SCN11A: variants seen among roughly 807,000 people sequenced by gnomAD.
SCN11A encodes the protein sodium channel protein type 11 subunit alpha.
Under a neutral mutation model 162.2 loss-of-function variants are expected in SCN11A, and 122 were observed. The observed-to-expected ratio is 0.75, with a 90% CI of 0.65 to 0.87. The LOEUF (loss-of-function observed/expected upper bound fraction) is 0.87. SCN11A is among the 40% of genes least tolerant of loss of function. The pLI is 0.00. For missense variants in SCN11A, 2,015 were observed against 2,181.6 expected, an observed-to-expected ratio of 0.92 and a Z score of 1.52; for synonymous variants, 758 against 751.5, an observed-to-expected ratio of 1.01 and a Z score of -0.14.
intron 11 of SCN11A, among the ~76,000 whole-genome samples, chr3:38,917,579 C>T (rs1186296286): frequency 6.6e-6 from 1 of 152,144 alleles, no homozygotes; most frequent in African/African-American, 2.4e-5. Flanking sequence ...AAACCAAATC[C>T]TACATGTTCT....
intron 1 of SCN11A, among the ~76,000 whole-genome samples, chr3:39,033,293 T>C (rs2031813024): frequency 7.0e-6 from 1 of 141,892 alleles, no homozygotes; most frequent in Non-Finnish European, 1.5e-5. Flanking sequence ...AAAACTCTTA[T>C]TTACTTTTTA....
intron 7 of SCN11A, among the ~76,000 whole-genome samples, chr3:38,929,435 T>G (rs955747383): frequency 6.6e-6 from 1 of 152,206 alleles, no homozygotes; most frequent in African/African-American, 2.4e-5. Context: ...GGATATAGAC[T>G]TTCAGTTTTG....
At chr3:39,046,982 G>A (rs6795176) in intron 1 of SCN11A, among the ~76,000 whole-genome samples, 99,398 of 145,656 alleles carry the variant, frequency 0.68, 35,511 homozygotes, top group African/African-American at 0.91. Flanking sequence ...CAGCCTCCCA[G>A]AGTGCTGGGA....
chr3:38,903,912 G>A lies in SCN11A; in HGVS notation c.1795C>T (p.His599Tyr). 6.2e-7 allele frequency: 1 copy of A among 1,613,626 alleles called. No homozygotes were observed. Among genetic ancestry groups the A allele is most frequent in the East Asian group, 2.2e-5 (1 of 44,868 alleles). Residue 599 changes from histidine to tyrosine, a missense_variant, in exon 16 of 30, where the codon CAC (histidine) becomes TAC (tyrosine). Transcript: ENST00000302328. ...INTVFLAMEH[H>Y]KMEASFEKML... ...TTCTCAAAACTGGCCTCCATCTTGT[G>A]ATGCTCCATGGCCAAGAAGACAGTG... is the stretch of plus-strand genomic sequence containing the variant.
In SCN11A at chr3:38,858,894, G is replaced by T. The variant is rs549889808; in HGVS notation, c.4056+4301C>A. On this transcript the variant is annotated intron_variant, in intron 28 of 29. Coordinates refer to ENST00000302328, the MANE Select transcript of SCN11A (RefSeq NM_001349253.2). ...ACCTTCAAAACTATACAAATACATG[G>T]AAATTAAATAATCTCCTCTTGAATG... 7.9e-5 allele frequency among the ~76,000 whole-genome samples: 12 copies of T among 152,112 alleles called. No homozygotes were observed. In the East Asian group the frequency reaches 1.7e-3, roughly 22 times the overall value.
chr3:38,928,565 T>C (rs945071227), intron 7 of SCN11A, among the ~76,000 whole-genome samples: 1 of 151,862 alleles, frequency 6.6e-6, no homozygotes, highest in African/African-American at 2.4e-5. Flanking sequence ...TAAAATAAAA[T>C]AGAACTCCTA....
At chr3:38,991,891 C>T (rs2030463879) in intron 2 of SCN11A, among the ~76,000 whole-genome samples, 1 of 152,194 alleles carries the variant, frequency 6.6e-6, no homozygotes, top group African/African-American at 2.4e-5. Context: ...TCACTATAAC[C>T]TCTGCCTCCC....
chr3:38,982,228 G>C (rs2030083670), intron 2 of SCN11A, among the ~76,000 whole-genome samples: 1 of 152,142 alleles, frequency 6.6e-6, no homozygotes, highest in Admixed American at 6.6e-5. Flanking sequence ...TTTGGAACTG[G>C]GAGTACTAAG....
intron 2 of SCN11A, among the ~76,000 whole-genome samples, chr3:38,994,802 G>A (rs2125595627): frequency 6.6e-6 from 1 of 152,134 alleles, no homozygotes; most frequent in Non-Finnish European, 1.5e-5. Flanking sequence ...ATGGAAGCTG[G>A]AGGGACCTAC....
intron 2 of SCN11A, among the ~76,000 whole-genome samples, chr3:38,997,452 A>G (rs1283036837): frequency 2.0e-5 from 3 of 152,336 alleles, no homozygotes; most frequent in Middle Eastern, 3.4e-3. Flanking sequence ...CACCCTATTT[A>G]AATTATAATC....
At chr3:39,018,735 G>A (rs1016112130) in intron 2 of SCN11A, among the ~76,000 whole-genome samples, 5 of 152,044 alleles carry the variant, frequency 3.3e-5, no homozygotes, top group East Asian at 1.9e-4. Flanking sequence ...GGAGAACGGC[G>A]TGAACCCGGG....
intron 1 of SCN11A, among the ~76,000 whole-genome samples, chr3:39,047,038 AC>A (rs1307405580): frequency 4.1e-5 from 1 of 24,380 alleles, no homozygotes; most frequent in Non-Finnish European, 7.3e-5. Context: ...CCCCACCCCC[AC>A]CCCCATCCCC....
At chr3:39,019,045 G>A (rs374921615) in intron 2 of SCN11A, among the ~76,000 whole-genome samples, 1 of 152,044 alleles carries the variant, frequency 6.6e-6, no homozygotes, top group Non-Finnish European at 1.5e-5. Flanking sequence ...AACCATCTTT[G>A]TAAAGCTAAT....
intron 1 of SCN11A, among the ~76,000 whole-genome samples, chr3:39,039,417 C>T (rs183688458): frequency 3.9e-4 from 60 of 152,310 alleles, no homozygotes; most frequent in African/African-American, 1.3e-3. Flanking sequence ...TAAGCTGTCA[C>T]GGCATGGTAC....
At chr3:39,020,126 C>T (rs1416771701) in intron 2 of SCN11A, among the ~76,000 whole-genome samples, 1 of 152,146 alleles carries the variant, frequency 6.6e-6, no homozygotes, top group African/African-American at 2.4e-5. Flanking sequence ...ATAATAATAC[C>T]TATCTCAAAT....
At chr3:39,030,517 T>C (rs1025873037) in intron 2 of SCN11A, among the ~76,000 whole-genome samples, 1 of 152,250 alleles carries the variant, frequency 6.6e-6, no homozygotes, top group African/African-American at 2.4e-5. Context: ...CTTTATGGTA[T>C]ATTAGAGTGT....
intron 9 of SCN11A, among the ~76,000 whole-genome samples, chr3:38,925,016 G>A (rs1207340490): frequency 6.6e-6 from 1 of 152,032 alleles, no homozygotes; most frequent in Admixed American, 6.6e-5. Flanking sequence ...TGATCACTCT[G>A]TTTAAAACTG....
rs200708165 is a variant in SCN11A, at chr3:38,902,522, CT to C, written c.1842+1342del. On this transcript the variant is annotated intron_variant, in intron 16 of 29. Coordinates refer to ENST00000302328, the MANE Select transcript of SCN11A (RefSeq NM_001349253.2). Reference sequence around the variant, plus strand: ...GTACCTGACTCTAGTGCAGTGGGTTCTTTTTTTTTTTTTGAGATGGAGTCTC... The same window carrying C: ...GTACCTGACTCTAGTGCAGTGGGTTCTTTTTTTTTTTTGAGATGGAGTCTC... Among the ~76,000 whole-genome samples the C allele has an allele frequency of 3.9e-3, 558 of 143,684 alleles. 2 individuals are homozygous for C. Among genetic ancestry groups the C allele is most frequent in the Middle Eastern group, 0.018 (5 of 282 alleles). The allele number at this position is 143,684 out of a possible 152,430, so 94.3% of individuals were successfully genotyped here. A position where few individuals can be genotyped will look rare whatever the true frequency, so the allele number is the denominator to read the frequency against.
chr3:38,860,902 A>T (rs1224170365), intron 28 of SCN11A, among the ~76,000 whole-genome samples: 3 of 152,202 alleles, frequency 2.0e-5, no homozygotes, highest in Non-Finnish European at 4.4e-5. Flanking sequence ...GCAATCAGAT[A>T]AGAGAAAGAA....
Sources: gnomAD v4.1 joint callset for allele counts (sites outside exome capture counted in the v4.1 genomes callset) on GRCh38, gnomAD v4.1.1 for gene constraint, MANE v1.5 for transcripts, NCBI Gene and HGNC (gene_info 2026-07-23, HGNC 2026-07-21) for gene names.